The following COX7B2 variants were observed in gnomAD, a reference collection of about 807,000 sequenced individuals.
The protein encoded by COX7B2 is cytochrome c oxidase subunit 7B2, mitochondrial.
For missense variants in COX7B2, 109 were observed against 95.9 expected (o/e 1.14, Z -0.57); for synonymous variants, 37 against 32.1 (o/e 1.15, Z -0.51).
chr4:46,862,984 A>C (rs1302264225), intron 1 of COX7B2, among the ~76,000 whole-genome samples: 2 of 152,158 alleles, frequency 1.3e-5, no homozygotes, highest in Non-Finnish European at 2.9e-5. Flanking sequence ...ATAAGTTTCT[A>C]AAAATTATGA....
At position 46,774,188 on chromosome 4, in the gene COX7B2, T is replaced by C. The variant is rs780739061; in HGVS notation, c.-49-38947A>G. Among the ~76,000 whole-genome samples, 4 of 152,226 alleles carry C rather than the reference T, an allele frequency of 2.6e-5. No homozygotes were observed. In the East Asian group the frequency reaches 7.7e-4, roughly 29 times the overall value. On this transcript the variant is annotated intron_variant, in intron 2 of 2. Transcript: ENST00000355591. ...CCCTTTCTGGAAAGTGCCCCCAAGT[T>C]TGCAAGTGTTTATCTTAAAACAAAC...
intron 1 of COX7B2, among the ~76,000 whole-genome samples, chr4:46,877,736 T>G (rs1490363992): frequency 3.3e-5 from 5 of 151,730 alleles, no homozygotes; most frequent in African/African-American, 4.8e-5. Context: ...ATAATAAATA[T>G]GAGTGAGGGT....
intron 1 of COX7B2, among the ~76,000 whole-genome samples, chr4:46,846,670 G>C (rs1050056071): frequency 1.3e-5 from 2 of 152,042 alleles, no homozygotes; most frequent in African/African-American, 4.8e-5. Context: ...AAAGGGAACA[G>C]TAGTAGAAGA....
chr4:46,751,532 A>T (rs1715377800), intron 2 of COX7B2, among the ~76,000 whole-genome samples: 1 of 152,164 alleles, frequency 6.6e-6, no homozygotes, highest in African/African-American at 2.4e-5. Context: ...AATAGTGGAG[A>T]TAAATAAAAC....
At chr4:46,761,542 T>C (rs1037068307) in intron 2 of COX7B2, among the ~76,000 whole-genome samples, 3 of 152,170 alleles carry the variant, frequency 2.0e-5, no homozygotes, top group Non-Finnish European at 4.4e-5. Context: ...CATTCTTTCT[T>C]TCTGAGGAAG....
chr4:46,842,608 G>T (rs1321725166), intron 2 of COX7B2, among the ~76,000 whole-genome samples: 5 of 151,204 alleles, frequency 3.3e-5, no homozygotes, highest in African/African-American at 1.2e-4. Context: ...GTGTCCATGT[G>T]TTCTCATTAT....
intron 2 of COX7B2, among the ~76,000 whole-genome samples, chr4:46,742,102 A>G (rs1714751102): frequency 6.6e-6 from 1 of 152,268 alleles, no homozygotes; most frequent in African/African-American, 2.4e-5. Flanking sequence ...GTGACCTGAA[A>G]GAGTTATAGG....
intron 1 of COX7B2, among the ~76,000 whole-genome samples, chr4:46,853,821 A>G (rs975969966): frequency 6.6e-6 from 1 of 152,140 alleles, no homozygotes; most frequent in Non-Finnish European, 1.5e-5. Context: ...CACTCAACTG[A>G]TTCTGCATTA....
intron 2 of COX7B2, among the ~76,000 whole-genome samples, chr4:46,784,496 A>G (rs1717647366): frequency 6.6e-6 from 1 of 152,112 alleles, no homozygotes; most frequent in African/African-American, 2.4e-5. Context: ...ATGGTGGCGC[A>G]TGCCTGTAAT....
chr4:46,905,895 T>C (rs984955434), intron 1 of COX7B2, among the ~76,000 whole-genome samples: 4 of 125,372 alleles, frequency 3.2e-5, no homozygotes, highest in Non-Finnish European at 6.4e-5. Flanking sequence ...AGTGGCGCAA[T>C]CTCAGCTCAC....
At chr4:46,853,456 T>C (rs1277356151) in intron 1 of COX7B2, among the ~76,000 whole-genome samples, 3 of 152,160 alleles carry the variant, frequency 2.0e-5, no homozygotes, top group Non-Finnish European at 1.5e-5. Flanking sequence ...TTAGAAAATA[T>C]GTGTGTATAA....
chr4:46,805,211 C>A (rs949270811), intron 2 of COX7B2, among the ~76,000 whole-genome samples: 1 of 152,206 alleles, frequency 6.6e-6, no homozygotes, highest in Non-Finnish European at 1.5e-5. Flanking sequence ...CCGGCTCTGG[C>A]CTTGGCCAGC....
chr4:46,800,857 C>G (rs1718619366), intron 2 of COX7B2, among the ~76,000 whole-genome samples: 1 of 152,068 alleles, frequency 6.6e-6, no homozygotes, highest in Non-Finnish European at 1.5e-5. Context: ...CATTTGCAAA[C>G]TATGCATTCA....
chr4:46,865,546 T>C (rs1292801299), intron 1 of COX7B2, among the ~76,000 whole-genome samples: 1 of 152,228 alleles, frequency 6.6e-6, no homozygotes, highest in Non-Finnish European at 1.5e-5. Context: ...AATTTTTCTC[T>C]TCTTCTTGAT....
chr4:46,870,330 A>AC (rs34146548), intron 1 of COX7B2, among the ~76,000 whole-genome samples: 62,182 of 151,652 alleles, frequency 0.41, 12,962 homozygotes, highest in South Asian at 0.53. Flanking sequence ...TGAAAAAAAA[A>AC]ATAACTCAAA....
intron 1 of COX7B2, among the ~76,000 whole-genome samples, chr4:46,902,130 C>A (rs1287409756): frequency 5.3e-5 from 8 of 152,178 alleles, no homozygotes; most frequent in African/African-American, 1.2e-4. Context: ...TTATACAGAT[C>A]TTCCCACTCA....
intron 2 of COX7B2, among the ~76,000 whole-genome samples, chr4:46,779,929 T>C (rs1044562289): frequency 1.3e-5 from 2 of 152,152 alleles, no homozygotes; most frequent in Non-Finnish European, 2.9e-5. Flanking sequence ...TAGTGAATAA[T>C]ATTATATGGT....
At chr4:46,787,196 C>T (rs1434852917) in intron 2 of COX7B2, among the ~76,000 whole-genome samples, 1 of 152,092 alleles carries the variant, frequency 6.6e-6, no homozygotes, top group African/African-American at 2.4e-5. Context: ...GCCTGTAATC[C>T]CAGCACTTTG....
At chr4:46,882,654 C>T (rs1470467439) in intron 1 of COX7B2, among the ~76,000 whole-genome samples, 2 of 152,036 alleles carry the variant, frequency 1.3e-5, no homozygotes, top group African/African-American at 4.8e-5. Context: ...GTAGATTTTC[C>T]TTCATCCCTT....
Sources: gnomAD v4.1 joint callset for allele counts (sites outside exome capture counted in the v4.1 genomes callset) on GRCh38, gnomAD v4.1.1 for gene constraint, MANE v1.5 for transcripts, NCBI Gene and HGNC (gene_info 2026-07-23, HGNC 2026-07-21) for gene names.